Variants in CRTAC1 observed in about 807,000 individuals in gnomAD.
The protein encoded by CRTAC1 is cartilage acidic protein 1.
CRTAC1 carries 37 observed loss-of-function variants against 67.8 expected under a neutral mutation model. The ratio of observed to expected loss-of-function variants is 0.55; its 90% CI spans 0.42 to 0.72. CRTAC1 has a LOEUF of 0.72. Ranked by LOEUF, CRTAC1 falls within the 30% of genes least tolerant of loss-of-function variation. The pLI is 0.00. For missense variants in CRTAC1, 780 were observed against 931.6 expected (o/e 0.84, Z 2.12); for synonymous variants, 348 against 371.0 (o/e 0.94, Z 0.71).
At chr10:97,904,609 C>G in intron 7 of CRTAC1, 60 bp downstream of exon 7, 1 of 1,454,824 alleles carries the variant, frequency 6.9e-7, no homozygotes, top group Non-Finnish European at 9.1e-7. Context: ...TTAGTAGAGA[C>G]AGGGTTTTGC....
At chr10:98,017,409 C>T (rs887416927) in intron 1 of CRTAC1, among the ~76,000 whole-genome samples, 20 of 151,962 alleles carry the variant, frequency 1.3e-4, no homozygotes, top group Non-Finnish European at 1.9e-4. Context: ...CAGGGTGCCT[C>T]GGTAAGGGAT....
intron 3 of CRTAC1, among the ~76,000 whole-genome samples, chr10:97,925,423 A>G (rs1300612494): frequency 6.6e-6 from 1 of 151,714 alleles, no homozygotes; most frequent in Admixed American, 6.6e-5. Flanking sequence ...TGTGGTGAGT[A>G]CACGAGAGTA....
intron 2 of CRTAC1, among the ~76,000 whole-genome samples, chr10:97,957,101 C>A (rs971092949): frequency 6.6e-6 from 1 of 152,028 alleles, no homozygotes; most frequent in East Asian, 1.9e-4. Context: ...AGATGTGAAC[C>A]ACTGTGCCCA....
chr10:97,936,387 G>A (rs1449573330), intron 2 of CRTAC1, 21 bp from the exon 3 acceptor site: 1 of 1,588,378 alleles, frequency 6.3e-7, no homozygotes, highest in Non-Finnish European at 8.6e-7. Context: ...AATGGGGAGG[G>A]GATGCTGGGG....
intron 2 of CRTAC1, among the ~76,000 whole-genome samples, chr10:98,007,966 C>T (rs2136691408): frequency 6.6e-6 from 1 of 152,248 alleles, no homozygotes; most frequent in South Asian, 2.1e-4. Flanking sequence ...GGAGCAATCC[C>T]CTGCACATCA....
chr10:97,883,559 G>A (rs2050243281), intron 12 of CRTAC1, among the ~76,000 whole-genome samples: 1 of 152,220 alleles, frequency 6.6e-6, no homozygotes. Flanking sequence ...CAAAGCCAGT[G>A]CACTGACAAA....
chr10:98,030,171 C>T lies in CRTAC1; in HGVS notation c.24+278G>A, dbSNP rs886400540. Among the ~76,000 whole-genome samples the T allele has an allele frequency of 1.3e-5, 2 of 152,060 alleles. No individual in the cohort carries two copies. Among genetic ancestry groups the T allele is most frequent in the Non-Finnish European group, 2.9e-5 (2 of 67,962 alleles). ...CAGTGCGCCCCCAACACTTTCTCTG[C>T]CAGCTGCTGGCTGTCGCCCCCACAC... is the stretch of plus-strand genomic sequence containing the variant. On this transcript the variant is annotated intron_variant, in intron 1 of 14. Transcript: ENST00000370597. This position sits in a 1 kb window ranked among gnomAD's most constrained non-coding sequence, Gnocchi z 4.2.
At chr10:97,906,581 GT>G (rs2050615970) in intron 6 of CRTAC1, among the ~76,000 whole-genome samples, 1 of 152,022 alleles carries the variant, frequency 6.6e-6, no homozygotes, top group South Asian at 2.1e-4. Flanking sequence ...AATCCTCTAG[GT>G]TTTCTCCACT....
intron 2 of CRTAC1, among the ~76,000 whole-genome samples, chr10:97,957,980 C>G (rs1348294220): frequency 6.6e-6 from 1 of 152,034 alleles, no homozygotes; most frequent in Non-Finnish European, 1.5e-5. Flanking sequence ...AGGGGAAAGT[C>G]TCTTCCTTCT....
intron 2 of CRTAC1, among the ~76,000 whole-genome samples, chr10:98,008,235 C>A (rs1213864819): frequency 6.6e-6 from 1 of 152,214 alleles, no homozygotes; most frequent in Non-Finnish European, 1.5e-5. Context: ...GAGAGCAATG[C>A]AACCTGTGCC....
intron 2 of CRTAC1, among the ~76,000 whole-genome samples, chr10:97,996,147 C>T (rs1323150562): frequency 6.6e-6 from 1 of 151,766 alleles, no homozygotes; most frequent in African/African-American, 2.4e-5. Context: ...AAAACCTAGG[C>T]ATTACCATTC....
chr10:98,030,513 GGGCGCTCGCTGCCGCCTCTGCCGCC>G lies in CRTAC1; in HGVS notation c.-66_-42del, dbSNP rs1323551246. 4 of 1,237,686 alleles carry G rather than the reference GGGCGCTCGCTGCCGCCTCTGCCGCC, an allele frequency of 3.2e-6. No homozygotes were observed. The highest frequency in any genetic ancestry group is 3.1e-6 in the Non-Finnish European group (3 of 982,410). The allele number at this position is 1,237,686 out of a possible 1,614,324, so 76.7% of individuals were successfully genotyped here. A position where few individuals can be genotyped will look rare whatever the true frequency, so the allele number is the denominator to read the frequency against. ...CCCGCCGCCTAGGGGCGTGGGAAGC[GGGCGCTCGCTGCCGCCTCTGCCGCC>G]GGCGCCGCCGCCTGCTTGCTCCCAG... On this transcript the variant is annotated 5_prime_UTR_variant, in exon 1 of 15. Coordinates refer to ENST00000370597, the MANE Select transcript of CRTAC1 (RefSeq NM_018058.7). This position sits in a 1 kb window ranked among gnomAD's most constrained non-coding sequence, Gnocchi z 4.2.
chr10:98,000,129 C>T (rs1233495036), intron 2 of CRTAC1, among the ~76,000 whole-genome samples: 6 of 152,186 alleles, frequency 3.9e-5, no homozygotes, highest in African/African-American at 1.4e-4. Context: ...CTGACTACCT[C>T]ATTCTTCGGG....
intron 3 of CRTAC1, among the ~76,000 whole-genome samples, chr10:97,926,702 G>A (rs905426694): frequency 2.0e-5 from 3 of 152,180 alleles, no homozygotes; most frequent in African/African-American, 7.2e-5. Context: ...CCCAGGACAG[G>A]TTTTGCTATC....
chr10:97,943,053 C>A (rs972327303), intron 2 of CRTAC1, among the ~76,000 whole-genome samples: 4 of 150,546 alleles, frequency 2.7e-5, no homozygotes, highest in Admixed American at 6.6e-5. Context: ...GCCTGGGCAA[C>A]AGAGCAAGAC....
intron 11 of CRTAC1, among the ~76,000 whole-genome samples, chr10:97,888,993 T>C (rs1026821967): frequency 1.3e-5 from 2 of 152,048 alleles, no homozygotes; most frequent in Non-Finnish European, 2.9e-5. Context: ...GCCACTGAAT[T>C]TCCCTTCCCT....
intron 2 of CRTAC1, among the ~76,000 whole-genome samples, chr10:97,991,968 G>C (rs1424778080): frequency 1.3e-5 from 2 of 152,196 alleles, no homozygotes; most frequent in East Asian, 1.9e-4. Flanking sequence ...ACTTTTCAAA[G>C]TCTTCCTAAG....
rs145499517 is a variant in CRTAC1 at position 97,912,548 on chromosome 10, C to T, written c.716-4401G>A. On this transcript the variant is annotated intron_variant, in intron 5 of 14. Coordinates refer to ENST00000370597, the MANE Select transcript of CRTAC1 (RefSeq NM_018058.7). ...TGGCAATGCAGACCCAAGTACAAGT[C>T]GGGTGCAGACAATCCATCTCTCAGA... is the stretch of plus-strand genomic sequence containing the variant. Among the ~76,000 whole-genome samples, 329 of 123,386 alleles carry T rather than the reference C, an allele frequency of 2.7e-3. 4 individuals are homozygous for T. The highest frequency in any genetic ancestry group is 8.3e-3 in the African/African-American group (315 of 37,838). 80.9% of individuals were successfully genotyped at this position (123,386 alleles called of 152,430 possible).
At chr10:97,952,908 A>G (rs531322925) in intron 2 of CRTAC1, among the ~76,000 whole-genome samples, 1 of 152,300 alleles carries the variant, frequency 6.6e-6, no homozygotes, top group South Asian at 2.1e-4. Context: ...TCCCTTCCAC[A>G]TCTGTGAATA....
Sources: allele counts gnomAD v4.1 joint callset (sites outside exome capture counted in the v4.1 genomes callset), GRCh38; gene constraint gnomAD v4.1.1; non-coding constraint Gnocchi (gnomAD v3.1); transcripts MANE v1.5; gene names NCBI Gene and HGNC (gene_info 2026-07-23, HGNC 2026-07-21).